KCNG3: variants seen among roughly 807,000 people sequenced by gnomAD.
KCNG3 encodes potassium voltage-gated channel modifier subfamily G member 3.
KCNG3 carries 15 observed loss-of-function variants against 29.0 expected under a neutral mutation model. The ratio of observed to expected loss-of-function variants is 0.52; its 90% CI spans 0.35 to 0.80. The LOEUF (loss-of-function observed/expected upper bound fraction) is 0.80, where lower values mean the gene tolerates loss of function less well. Among genes scored for constraint, KCNG3 ranks in the 30% least tolerant of loss-of-function variants. The probability of loss-of-function intolerance (pLI) is 0.01; values close to 1 mark genes in which losing one functional copy is unlikely to be tolerated. For synonymous variants in KCNG3, 322 were observed against 248.9 expected, an observed-to-expected ratio of 1.29 and a Z score of -2.76; for missense variants, 512 against 605.7, an observed-to-expected ratio of 0.85 and a Z score of 1.62.
At chr2:42,437,939 CAAAAAAAAAAA>C (rs58250880), downstream of KCNG3, among the ~76,000 whole-genome samples, 2 of 74,848 alleles carry the variant, frequency 2.7e-5, no homozygotes, top group African/African-American at 4.8e-5. Context: ...ACTCTGTCTC[CAAAAAAAAAAA>C]AAAAAAAAAA....
At position 42,444,678 on chromosome 2, in the gene KCNG3, G is replaced by C; in HGVS notation, c.666-99C>G. The C allele has an allele frequency of 1.8e-6, 2 of 1,101,140 alleles. No homozygotes were observed. The highest frequency in any genetic ancestry group is 2.6e-6 in the Non-Finnish European group (2 of 768,206). The allele number at this position is 1,101,140 out of a possible 1,614,324, so 68.2% of individuals were successfully genotyped here. A position where few individuals can be genotyped will look rare whatever the true frequency, so the allele number is the denominator to read the frequency against. ...AGTACTACACTGACATACTAATTCA[G>C]TTACTTTTCCAGAAAACATAAAGAA... is the stretch of plus-strand genomic sequence containing the variant. On this transcript the variant is annotated intron_variant, in intron 1 of 1. Coordinates refer to ENST00000306078, the MANE Select transcript of KCNG3 (RefSeq NM_133329.6). This position sits in a 1 kb window ranked among gnomAD's most constrained non-coding sequence, Gnocchi z 5.8.
At chr2:42,449,514 C>CTTTTTTTTTTTTTTTTTT (rs36088470) in intron 1 of KCNG3, among the ~76,000 whole-genome samples, 2 of 99,462 alleles carry the variant, frequency 2.0e-5, no homozygotes, top group African/African-American at 3.7e-5. Flanking sequence ...ACTGAGATTT[C>CTTTTTTTTTTTTTTTTTT]TTTTTTTTTT....
chr2:42,435,910 C>G, the KCNG3 span, among the ~76,000 whole-genome samples: 2 of 152,144 alleles, frequency 1.3e-5, no homozygotes, highest in Non-Finnish European at 2.9e-5. Flanking sequence ...GAAAAAGAAA[C>G]CCTATGTCCA....
chr2:42,492,536 T>C (rs943557484), intron 1 of KCNG3, among the ~76,000 whole-genome samples: 1 of 152,384 alleles, frequency 6.6e-6, no homozygotes, highest in Admixed American at 6.5e-5. Context: ...GGTTGCTCTC[T>C]GCGCAAAAGT....
intron 1 of KCNG3, among the ~76,000 whole-genome samples, chr2:42,484,646 G>A (rs1048075496): frequency 6.6e-6 from 1 of 152,134 alleles, no homozygotes; most frequent in Non-Finnish European, 1.5e-5. Flanking sequence ...TGAAGAGATA[G>A]GGCAAGTTAA....
chr2:42,404,266 A>G, the KCNG3 span, among the ~76,000 whole-genome samples: 1 of 151,550 alleles, frequency 6.6e-6, no homozygotes, highest in African/African-American at 2.4e-5. Flanking sequence ...AGAATTGTTG[A>G]TAGTATTCTT....
intron 1 of KCNG3, among the ~76,000 whole-genome samples, chr2:42,491,637 G>A (rs1015771005): frequency 1.3e-5 from 2 of 152,100 alleles, no homozygotes; most frequent in African/African-American, 4.8e-5. Flanking sequence ...GTTTCCTAAT[G>A]AATTTCCTTT....
intron 1 of KCNG3, 34 bp downstream of exon 1, chr2:42,492,776 TGGACGGGACGGACAGACGCGACAGGAC>T (rs1417372918): frequency 1.8e-5 from 24 of 1,358,878 alleles, no homozygotes; most frequent in Non-Finnish European, 2.1e-5. Context: ...ACGGGACGTA[TGGACGGGACGGACAGACGCGACAGGAC>T]GGACGGGACG....
At position 42,444,420 on chromosome 2, in the gene KCNG3, T is replaced by G; in HGVS notation, c.825A>C (p.Thr275=). The G allele has an allele frequency of 6.2e-7, 1 of 1,614,190 alleles. No homozygotes were observed. The highest frequency in any genetic ancestry group is 8.5e-7 in the Non-Finnish European group (1 of 1,180,038). The part of the protein sequence containing the change: ...YYISVLMTVF[T]GENSQLQRAG... ...CCCTCTGGAGTTGAGAGTTCTCGCC[T>G]GTAAACACTGTCATCAACACAGAGA... Residue 275 remains threonine (T), a synonymous_variant, in exon 2 of 2, where the codon ACA becomes ACC. Coordinates refer to ENST00000306078, the MANE Select transcript of KCNG3 (RefSeq NM_133329.6). The surrounding 1 kb of genome is among the most constrained non-coding windows in gnomAD (Gnocchi z 5.8).
At chr2:42,451,204 C>CAAAAAAA (rs67651134) in intron 1 of KCNG3, among the ~76,000 whole-genome samples, 52 of 60,982 alleles carry the variant, frequency 8.5e-4, no homozygotes, top group African/African-American at 1.4e-3. Context: ...GACTCCAACT[C>CAAAAAAA]AAAAAAAAAA....
the KCNG3 span, among the ~76,000 whole-genome samples, chr2:42,398,239 A>G: frequency 7.3e-6 from 1 of 137,800 alleles, no homozygotes; most frequent in Admixed American, 7.2e-5. Context: ...AAATAAATAA[A>G]TAAATAAATA....
chr2:42,491,980 C>G (rs913803465), intron 1 of KCNG3, among the ~76,000 whole-genome samples: 1 of 152,156 alleles, frequency 6.6e-6, no homozygotes, highest in Admixed American at 6.5e-5. Context: ...CTTATTCCTC[C>G]CACTGAATAT....
At chr2:42,396,991 G>A in the KCNG3 span, among the ~76,000 whole-genome samples, 2 of 152,126 alleles carry the variant, frequency 1.3e-5, no homozygotes. Context: ...GGGCACGGTG[G>A]CTCACACCTG....
chr2:42,422,269 G>T, the KCNG3 span, among the ~76,000 whole-genome samples: 2,524 of 152,210 alleles, frequency 0.017, 69 homozygotes, highest in African/African-American at 0.057. Flanking sequence ...ATGGATTAAT[G>T]CTGTTATCTT....
At chr2:42,404,699 G>T in the KCNG3 span, among the ~76,000 whole-genome samples, 1 of 152,190 alleles carries the variant, frequency 6.6e-6, no homozygotes, top group Admixed American at 6.5e-5. Context: ...CTGCACTCCA[G>T]CCTGGGCAAC....
chr2:42,460,644 C>A (rs755943572), intron 1 of KCNG3, among the ~76,000 whole-genome samples: 1 of 152,076 alleles, frequency 6.6e-6, no homozygotes, highest in Non-Finnish European at 1.5e-5. Context: ...CAGGAAAGTG[C>A]CAGATACCTG....
the KCNG3 span, among the ~76,000 whole-genome samples, chr2:42,427,904 G>C: frequency 6.6e-6 from 1 of 152,070 alleles, no homozygotes; most frequent in Non-Finnish European, 1.5e-5. Flanking sequence ...TAAGTCATAG[G>C]TCATTTGGTA....
Position 42,444,654 on chromosome 2 carries a change from G to C in KCNG3, c.666-75C>G, listed in dbSNP as rs962260186. On this transcript the variant is annotated intron_variant, in intron 1 of 1. Transcript: ENST00000306078. The surrounding 1 kb of genome is among the most constrained non-coding windows in gnomAD (Gnocchi z 5.8). The stretch of plus-strand genomic sequence containing the variant: ...AATAGCTCTTAGATTTCTTCAGATA[G>C]TACTACACTGACATACTAATTCAGT... The C allele has an allele frequency of 4.7e-6, 6 of 1,286,256 alleles. No homozygotes were observed. Among genetic ancestry groups the C allele is most frequent in the Non-Finnish European group, 5.4e-6 (5 of 922,878 alleles). 79.7% of individuals were successfully genotyped at this position (1,286,256 alleles called of 1,614,324 possible).
rs1283500670 is a variant in KCNG3 at position 42,492,972 on chromosome 2, G to A, written c.530C>T (p.Ser177Leu). Residue 177 changes from serine to leucine, a missense_variant, in exon 1 of 2, where the codon TCG (serine) becomes TTG (leucine). Coordinates refer to ENST00000306078, the MANE Select transcript of KCNG3 (RefSeq NM_133329.6). ...CATGGACACGATCACGAACACCACC[G>A]ACACGCTAGCCAGGATCTGCGCGGC... ...SLAAQILASV[S>L]VVFVIVSMVV... is the part of the protein sequence containing the mutation. The A allele has an allele frequency of 6.4e-7, 1 of 1,557,834 alleles. No homozygotes were observed. The highest frequency in any genetic ancestry group is 1.9e-5 in the Admixed American group (1 of 52,158).
Sources: gnomAD v4.1 joint callset for allele counts (sites outside exome capture counted in the v4.1 genomes callset) on GRCh38, gnomAD v4.1.1 for gene constraint, Gnocchi (gnomAD v3.1) non-coding constraint, MANE v1.5 for transcripts, NCBI Gene and HGNC (gene_info 2026-07-23, HGNC 2026-07-21) for gene names.